The following KRT85 variants were observed in gnomAD, a reference collection of about 807,000 sequenced individuals.
The protein encoded by KRT85 is keratin 85, also known as keratin, type II cuticular Hb5.
Under a neutral mutation model 53.7 loss-of-function variants are expected in KRT85, and 39 were observed. The ratio of observed to expected loss-of-function variants is 0.73; its 90% CI spans 0.56 to 0.95. The LOEUF is 0.95. Ranked by LOEUF, KRT85 falls within the 40% of genes least tolerant of loss-of-function variation. KRT85 has a pLI of 0.00. For missense variants in KRT85, 668 were observed against 686.0 expected (o/e 0.97, Z 0.29); for synonymous variants, 291 against 277.5 (o/e 1.05, Z -0.48).
chr12:52,364,327 A>T lies in KRT85; in HGVS notation c.669T>A (p.Asn223Lys), dbSNP rs1365375923. ...TCACCTTCTTTAGAACGACAAACTC[A>T]TTCTCTGCTGTGGCTCTCAGGGCCA... ...EEVALRATAE[N>K]EFVVLKKDVD... The change falls in exon 3 of 9, where the codon AAT (asparagine) becomes AAA (lysine). Residue 223 changes from asparagine to lysine, a missense_variant. Asn to Lys is a moderately conservative substitution (Grantham distance 94). Transcript: ENST00000257901. 5 of 1,613,948 alleles carry T rather than the reference A, an allele frequency of 3.1e-6. No individual in the cohort carries two copies. The highest frequency in any genetic ancestry group is 4.2e-6 in the Non-Finnish European group (5 of 1,180,004).
chr12:52,365,305 A>G, intron 1 of KRT85, 135 bp from the exon 2 acceptor site: 2 of 946,686 alleles, frequency 2.1e-6, no homozygotes, highest in South Asian at 1.4e-5. Flanking sequence ...CAAGGGGCCC[A>G]TTCCCAGGCC....
In KRT85 at chr12:52,360,793, T is replaced by C. The variant is rs1592140452; in HGVS notation, c.*60A>G. The C allele has an allele frequency of 6.7e-7, 1 of 1,502,410 alleles. No homozygotes were observed. The highest frequency in any genetic ancestry group is 9.3e-7 in the Non-Finnish European group (1 of 1,079,896). The allele number at this position is 1,502,410 out of a possible 1,614,324, so 93.1% of individuals were successfully genotyped here. ...GCACACATTTTCCATTCACATGCCA[T>C]TCAGTGCAGTGATGCAGGCAGGCAG... On this transcript the variant is annotated 3_prime_UTR_variant, in exon 9 of 9. Coordinates refer to ENST00000257901, the MANE Select transcript of KRT85 (RefSeq NM_002283.4).
chr12:52,366,897 G>A, intron 1 of KRT85, 89 bp downstream of exon 1: 1 of 1,607,806 alleles, frequency 6.2e-7, no homozygotes, highest in South Asian at 1.1e-5. Context: ...CCTCAAACCG[G>A]CAGCCATCCT....
Position 52,362,430 on chromosome 12 carries a change from C to A in KRT85, c.1119G>T (p.Gln373His), listed in dbSNP as rs773625618. The change falls in exon 7 of 9, where the codon CAG (glutamine) becomes CAT (histidine). Residue 373 changes from glutamine to histidine, a missense_variant. Physicochemically the swap from Gln to His is conservative, Grantham distance 24 (BLOSUM62 0). This residue lies in a region of KRT85 where 488 missense variants were observed against 498.1 expected (regional missense o/e 0.98). Coordinates refer to ENST00000257901, the MANE Select transcript of KRT85 (RefSeq NM_002283.4). ...LEAAVAEAEQQGEAALSDARC... is the reference protein window; with the variant it reads ...LEAAVAEAEQHGEAALSDARC... ...GGGCATCGCTGAGGGCCGCCTCACC[C>A]TGCTGCTCTGCCTCAGCCACAGCAG... The A allele has an allele frequency of 2.5e-6, 4 of 1,614,192 alleles. No individual in the cohort carries two copies. In the Admixed American group the frequency reaches 6.7e-5, roughly 27 times the overall value.
Position 52,367,406 on chromosome 12 carries a change from C to A in KRT85, c.-1G>T, listed in dbSNP as rs1326444025. On this transcript the variant is annotated 5_prime_UTR_variant, in exon 1 of 9. Transcript: ENST00000257901. ...TGATCCTGTAGGAGCGGCACGACAT[C>A]GTGTGAGGCTGAGCAGAGTCTGAGA... 1 of 1,614,012 alleles carries A rather than the reference C, an allele frequency of 6.2e-7. No homozygotes were observed. The highest frequency in any genetic ancestry group is 8.5e-7 in the Non-Finnish European group (1 of 1,180,018).
chr12:52,362,128 T>C (rs1380534704), intron 7 of KRT85, 123 bp downstream of exon 7: 2 of 1,138,744 alleles, frequency 1.8e-6, no homozygotes, highest in Non-Finnish European at 2.6e-6. Flanking sequence ...TTATTATTAT[T>C]ATTATTGAAG....
chr12:52,362,121 T>G, intron 7 of KRT85, 130 bp downstream of exon 7: 1 of 1,092,526 alleles, frequency 9.2e-7, no homozygotes, highest in Non-Finnish European at 1.4e-6. Flanking sequence ...TCAGTTATTA[T>G]TATTATTATT....
Position 52,367,195 on chromosome 12 carries a change from A to G in KRT85, c.211T>C (p.Phe71Leu). 1.2e-6 allele frequency: 2 copies of G among 1,613,802 alleles called. No homozygotes were observed. Among genetic ancestry groups the G allele is most frequent in the Admixed American group, 3.3e-5 (2 of 60,002 alleles). ...SCGPRIAVGGFRAGSCGRSFG... is the reference protein window; with the variant it reads ...SCGPRIAVGGLRAGSCGRSFG... Reference sequence around the variant, plus strand: ...CTGCGTCCGCAGGAGCCGGCTCGGAAGCCACCTACAGCTATCCGGGGCCCG... The same window carrying G: ...CTGCGTCCGCAGGAGCCGGCTCGGAGGCCACCTACAGCTATCCGGGGCCCG... Residue 71 changes from phenylalanine to leucine, a missense_variant, in exon 1 of 9, where the codon TTC becomes CTC. Transcript: ENST00000257901.
chr12:52,364,476 T>A, intron 2 of KRT85, 110 bp from the exon 3 acceptor site: 16 of 1,593,090 alleles, frequency 1.0e-5, no homozygotes, highest in Non-Finnish European at 1.3e-5. Context: ...CCCCTCCAGA[T>A]GTTGTCTTGG....
At chr12:52,363,106 C>T in intron 5 of KRT85, 127 bp from the exon 6 acceptor site, 1 of 1,554,768 alleles carries the variant, frequency 6.4e-7, no homozygotes, top group Admixed American at 1.8e-5. Context: ...CCTGCCCTGC[C>T]ACTTCAACCT....
rs184848860 is a variant in KRT85, at chr12:52,362,381, C to T, written c.1168G>A (p.Gly390Ser). 8.7e-5 allele frequency: 140 copies of T among 1,614,208 alleles called. No homozygotes were observed. The highest frequency in any genetic ancestry group is 3.5e-4 in the Admixed American group (21 of 60,026). ...TCCTGCTTGGCCTTCTGCAGGGCGC[C>T]CTCCAGCTCAGCCAGCTTGCAGCGG... is the stretch of plus-strand genomic sequence containing the variant. ...DARCKLAELE[G>S]ALQKAKQDMA... Residue 390 changes from glycine to serine, a missense_variant, in exon 7 of 9, where the codon GGC (glycine) becomes AGC (serine). Gly to Ser is a moderately conservative substitution (Grantham distance 56). Coordinates refer to ENST00000257901, the MANE Select transcript of KRT85 (RefSeq NM_002283.4).
rs1290038394 is a variant in KRT85 at position 52,364,183 on chromosome 12, G to A, written c.691-20C>T. On this transcript the variant is annotated intron_variant, in intron 3 of 8. Coordinates refer to ENST00000257901, the MANE Select transcript of KRT85 (RefSeq NM_002283.4). ...CACGTCCTGGCCGTGGGACAAAGAG[G>A]AGGGGACATGCATGTGAGAGGAGAC... 2 of 1,613,740 alleles carry A rather than the reference G, an allele frequency of 1.2e-6. No homozygotes were observed. The highest frequency in any genetic ancestry group is 1.1e-5 in the South Asian group (1 of 91,080).
At position 52,365,147 on chromosome 12, in the gene KRT85, G is replaced by A. The variant is rs780930013; in HGVS notation, c.444C>T (p.Asn148=). ...ACTGCCACTTGGTCTCCAGCAGCTT[G>A]TTCTGCTGCTCCAGGAAGCGCACCT... ...IDKVRFLEQQ[N]KLLETKWQFY... The change falls in exon 2 of 9, where the codon AAC becomes AAT. Residue 148 remains asparagine (N), a synonymous_variant. Transcript: ENST00000257901. The A allele has an allele frequency of 1.2e-6, 2 of 1,614,116 alleles. No individual in the cohort carries two copies. The highest frequency in any genetic ancestry group is 2.7e-5 in the African/African-American group (2 of 74,948).
chr12:52,360,923 G>T lies in KRT85; in HGVS notation c.1454C>A (p.Ser485Tyr). The T allele has an allele frequency of 6.2e-7, 1 of 1,612,646 alleles. No homozygotes were observed. Among genetic ancestry groups the T allele is most frequent in the East Asian group, 2.2e-5 (1 of 44,866 alleles). ...GGSITVVAPD[S>Y]CAPCQPRSSS... Reference sequence around the variant, plus strand: ...GGAACGAGGCTGGCAGGGGGCACAGGAGTCAGGGGCCACCACCGTGATGCT... The same window carrying T: ...GGAACGAGGCTGGCAGGGGGCACAGTAGTCAGGGGCCACCACCGTGATGCT... The change falls in exon 9 of 9, where the codon TCC (serine) becomes TAC (tyrosine). Residue 485 changes from serine to tyrosine, a missense_variant. Around this residue, in one of 3 missense-constraint regions of KRT85, gnomAD observed 488 missense variants for 498.1 expected, o/e 0.98. Coordinates refer to ENST00000257901, the MANE Select transcript of KRT85 (RefSeq NM_002283.4).
intron 1 of KRT85, among the ~76,000 whole-genome samples, chr12:52,365,522 G>A (rs1939259333): frequency 6.6e-6 from 1 of 152,216 alleles, no homozygotes; most frequent in Non-Finnish European, 1.5e-5. Context: ...GCTTAGAACA[G>A]TCCCTGACAC....
At chr12:52,364,618 T>C (rs1939245250) in intron 2 of KRT85, 10 of 1,440,560 alleles carry the variant, frequency 6.9e-6, no homozygotes, top group Non-Finnish European at 9.1e-6. Context: ...TCTAAAATCA[T>C]CTGTGCATCC....
Position 52,361,355 on chromosome 12 carries a change from G to T in KRT85, c.1330+112C>A, listed in dbSNP as rs147844084. On this transcript the variant is annotated intron_variant, in intron 8 of 8. Coordinates refer to ENST00000257901, the MANE Select transcript of KRT85 (RefSeq NM_002283.4). ...GTCATGGCCCCCACTGAGGAGCCAG[G>T]GGAGGGTGAAACAGTTGGGGGAACA... is the stretch of plus-strand genomic sequence containing the variant. 2.6e-5 allele frequency: 26 copies of T among 1,000,600 alleles called. No individual in the cohort carries two copies. The African/African-American group carries it at 4.2e-4, about 16-fold the overall frequency. 62.0% of individuals were successfully genotyped at this position (1,000,600 alleles called of 1,614,324 possible).
rs1205216315 is a variant in KRT85, at chr12:52,360,923, G to A, written c.1454C>T (p.Ser485Phe). 6.2e-6 allele frequency: 10 copies of A among 1,612,646 alleles called. No individual in the cohort carries two copies. In the South Asian group the frequency reaches 8.8e-5, roughly 14 times the overall value. Residue 485 changes from serine (S) to phenylalanine (F), a missense_variant, in exon 9 of 9, where the codon TCC becomes TTC. Coordinates refer to ENST00000257901, the MANE Select transcript of KRT85 (RefSeq NM_002283.4). Reference protein sequence around the residue: ...GGSITVVAPDSCAPCQPRSSS... With the variant: ...GGSITVVAPDFCAPCQPRSSS... ...GGAACGAGGCTGGCAGGGGGCACAG[G>A]AGTCAGGGGCCACCACCGTGATGCT...
chr12:52,361,155 G>A, intron 8 of KRT85, 109 bp from the exon 9 acceptor site: 2 of 970,982 alleles, frequency 2.1e-6, no homozygotes, highest in Non-Finnish European at 3.2e-6. Flanking sequence ...AGGAATTGGT[G>A]GTCAACAATG....
Sources: gnomAD v4.1 joint callset for allele counts (sites outside exome capture counted in the v4.1 genomes callset) on GRCh38, gnomAD v4.1.1 for gene constraint, gnomAD v4.1.1 regional missense constraint, MANE v1.5 for transcripts, NCBI Gene and HGNC (gene_info 2026-07-23, HGNC 2026-07-21) for gene names.